NRG1: variants seen among roughly 807,000 people sequenced by gnomAD.
NRG1 encodes the protein neuregulin 1, also known as pro-neuregulin-1, membrane-bound isoform.
A neutral mutation model predicts 63.8 loss-of-function variants in NRG1; 18 were observed. That is an observed-to-expected ratio of 0.28 (90% CI 0.19 to 0.42). The LOEUF (loss-of-function observed/expected upper bound fraction) is 0.42. Ranked by LOEUF, NRG1 falls within the 10% of genes least tolerant of loss-of-function variation. The pLI is 1.00. For missense variants in NRG1, 762 were observed against 814.7 expected (o/e 0.94, Z 0.79); for synonymous variants, 302 against 301.3 (o/e 1.00, Z -0.02).
At chr8:32,117,318 T>G (rs1236061985) in intron 1 of NRG1, among the ~76,000 whole-genome samples, 1 of 152,188 alleles carries the variant, frequency 6.6e-6, no homozygotes, top group African/African-American at 2.4e-5. Flanking sequence ...GTGGTCAGCA[T>G]GACGTGTTAG....
chr8:32,370,482 A>G (rs1332575439), intron 1 of NRG1, among the ~76,000 whole-genome samples: 1 of 152,144 alleles, frequency 6.6e-6, no homozygotes, highest in Admixed American at 6.6e-5. Flanking sequence ...ATGACTGTGT[A>G]TTACATATAT....
At chr8:32,486,602 C>T (rs1825927115) in intron 1 of NRG1, among the ~76,000 whole-genome samples, 1 of 151,096 alleles carries the variant, frequency 6.6e-6, no homozygotes, top group East Asian at 2.0e-4. Context: ...ACCATTATTT[C>T]CTCAAGAGGC....
At chr8:32,483,564 T>C (rs1223824867) in intron 1 of NRG1, among the ~76,000 whole-genome samples, 1 of 152,234 alleles carries the variant, frequency 6.6e-6, no homozygotes, top group Non-Finnish European at 1.5e-5. Flanking sequence ...TAAGTCCATT[T>C]GTCACTTGAT....
chr8:31,807,716 C>G (rs994418935), intron 1 of NRG1, among the ~76,000 whole-genome samples: 5 of 151,964 alleles, frequency 3.3e-5, no homozygotes, highest in Admixed American at 6.6e-5. Flanking sequence ...ATTTTGTGCC[C>G]GTTGTTTAGT....
intron 1 of NRG1, among the ~76,000 whole-genome samples, chr8:32,111,607 C>T (rs917250651): frequency 7.2e-5 from 11 of 152,170 alleles, no homozygotes; most frequent in Non-Finnish European, 1.5e-5. Context: ...CATTGTGAGA[C>T]AATTAATTGT....
intron 1 of NRG1, among the ~76,000 whole-genome samples, chr8:32,222,601 T>G (rs1845935177): frequency 2.0e-5 from 3 of 152,238 alleles, no homozygotes; most frequent in Non-Finnish European, 4.4e-5. Context: ...AGACATTCAG[T>G]CAGCCCACAG....
At chr8:32,602,474 A>G (rs1347330911) in intron 2 of NRG1, among the ~76,000 whole-genome samples, 5 of 152,154 alleles carry the variant, frequency 3.3e-5, no homozygotes. Flanking sequence ...GTCTTTACAT[A>G]CAAACACGAT....
intron 5 of NRG1, among the ~76,000 whole-genome samples, chr8:32,657,348 C>T (rs1211218892): frequency 2.0e-5 from 3 of 151,862 alleles, no homozygotes; most frequent in African/African-American, 7.3e-5. Context: ...TTCCTCTATT[C>T]TTTCATACCC....
intron 1 of NRG1, among the ~76,000 whole-genome samples, chr8:32,165,515 A>T (rs932395046): frequency 9.2e-5 from 14 of 152,188 alleles, no homozygotes; most frequent in African/African-American, 3.1e-4. Context: ...AAAAAAGAAA[A>T]CATATTTAGC....
chr8:32,695,453 G>A (rs545929306), intron 5 of NRG1, among the ~76,000 whole-genome samples: 85 of 152,218 alleles, frequency 5.6e-4, no homozygotes, highest in African/African-American at 2.0e-3. Flanking sequence ...CTTGAGAAAA[G>A]CAATGTACCC....
intron 1 of NRG1, among the ~76,000 whole-genome samples, chr8:31,890,328 G>A (rs916181048): frequency 3.9e-5 from 6 of 152,092 alleles, no homozygotes; most frequent in Non-Finnish European, 7.4e-5. Context: ...TTTCTGATAC[G>A]GAAAATGAAG....
intron 1 of NRG1, among the ~76,000 whole-genome samples, chr8:32,285,952 G>T (rs1853470713): frequency 6.6e-6 from 1 of 152,222 alleles, no homozygotes; most frequent in Non-Finnish European, 1.5e-5. Context: ...TTGGGATGTG[G>T]GTGTTTACAA....
chr8:32,491,575 G>A (rs1174258060), intron 1 of NRG1, among the ~76,000 whole-genome samples: 5 of 152,246 alleles, frequency 3.3e-5, no homozygotes, highest in South Asian at 2.1e-4. Flanking sequence ...TATTGGATAC[G>A]TACCAGGTAC....
At chr8:31,775,711 G>A (rs959370315) in intron 1 of NRG1, among the ~76,000 whole-genome samples, 4 of 151,606 alleles carry the variant, frequency 2.6e-5, no homozygotes, top group Admixed American at 6.6e-5. Context: ...GTGAAACCCC[G>A]TCTCTACTAA....
At chr8:32,481,865 G>A (rs961706671) in intron 1 of NRG1, among the ~76,000 whole-genome samples, 1 of 152,194 alleles carries the variant, frequency 6.6e-6, no homozygotes, top group African/African-American at 2.4e-5. Context: ...AATGGTGCCA[G>A]TGTAAGTAGA....
chr8:32,134,933 A>G (rs993352468), intron 1 of NRG1, among the ~76,000 whole-genome samples: 1 of 152,174 alleles, frequency 6.6e-6, no homozygotes, highest in Non-Finnish European at 1.5e-5. Flanking sequence ...GAATAACTAG[A>G]TAGCTATTTT....
intron 1 of NRG1, among the ~76,000 whole-genome samples, chr8:32,400,664 A>C (rs912919587): frequency 6.6e-6 from 1 of 152,198 alleles, no homozygotes. Context: ...GACAGAGTAA[A>C]GGGAACGCTC....
At chr8:32,434,781 T>C (rs1012358796) in intron 1 of NRG1, among the ~76,000 whole-genome samples, 1 of 151,866 alleles carries the variant, frequency 6.6e-6, no homozygotes, top group African/African-American at 2.4e-5. Context: ...ATTCAACCAG[T>C]TGAAGAGAGA....
At chr8:32,319,591 T>C (rs946487017) in intron 1 of NRG1, among the ~76,000 whole-genome samples, 1 of 152,170 alleles carries the variant, frequency 6.6e-6, no homozygotes, top group African/African-American at 2.4e-5. Context: ...TTGGAGAATA[T>C]GATCTCGTTC....
Sources: allele counts gnomAD v4.1 joint callset (sites outside exome capture counted in the v4.1 genomes callset), GRCh38; gene constraint gnomAD v4.1.1; transcripts MANE v1.5; gene names NCBI Gene and HGNC (gene_info 2026-07-23, HGNC 2026-07-21).